JADE2: variants seen among roughly 807,000 people sequenced by gnomAD.
JADE2 encodes the protein jade family PHD finger 2.
JADE2 carries 13 observed loss-of-function variants against 85.7 expected under a neutral mutation model. The ratio of observed to expected loss-of-function variants is 0.15; its 90% confidence interval spans 0.10 to 0.24. The LOEUF (loss-of-function observed/expected upper bound fraction) is 0.24. JADE2 is among the 10% of genes least tolerant of loss of function. The pLI is 1.00. For missense variants in JADE2, 846 were observed against 1,115.9 expected (o/e 0.76, Z 3.45); for synonymous variants, 440 against 456.1 (o/e 0.96, Z 0.45).
At chr5:134,552,335 C>T (rs1762642033) in intron 4 of JADE2, 126 bp downstream of exon 4, 2 of 863,702 alleles carry the variant, frequency 2.3e-6, no homozygotes, top group Admixed American at 3.0e-5. Context: ...GTATTCCATT[C>T]CCTTTTCCAA....
At chr5:134,526,756 C>T (rs1375957367) in intron 1 of JADE2, 1 of 985,430 alleles carries the variant, frequency 1.0e-6, no homozygotes, top group Non-Finnish European at 1.2e-6. Context: ...ACACCCTTTC[C>T]AGGTGAGTGT....
At chr5:134,533,977 C>T (rs1004597417) in intron 1 of JADE2, among the ~76,000 whole-genome samples, 1 of 152,048 alleles carries the variant, frequency 6.6e-6, no homozygotes, top group Non-Finnish European at 1.5e-5. Context: ...ATCTCTTGGG[C>T]TCAAGAAATC....
At chr5:134,546,398 C>G (rs968787160) in intron 3 of JADE2, among the ~76,000 whole-genome samples, 1 of 152,164 alleles carries the variant, frequency 6.6e-6, no homozygotes, top group African/African-American at 2.4e-5. Flanking sequence ...AAAGCAGGCA[C>G]AGTGATAAAC....
At chr5:134,530,299 G>A (rs775561404) in intron 1 of JADE2, among the ~76,000 whole-genome samples, 1 of 152,242 alleles carries the variant, frequency 6.6e-6, no homozygotes, top group Non-Finnish European at 1.5e-5. Flanking sequence ...ACGCCTTAGC[G>A]GTCTGCCTCA....
Position 134,564,516 on chromosome 5 carries a change from A to G in JADE2, c.875A>G (p.Lys292Arg). ...IPEVSIGCPE[K>R]MEPITKISHI... ...CAGGTCAGCATCGGCTGCCCAGAGA[A>G]GATGGAGCCCATCACCAAGATCTCG... Residue 292 changes from lysine (K) to arginine (R), a missense_variant, in exon 8 of 12, where the codon AAG becomes AGG. This residue lies in a region of JADE2 where 129 missense variants were observed against 255.4 expected (regional missense o/e 0.51). Transcript: ENST00000681547. 6.3e-7 allele frequency: 1 copy of G among 1,591,906 alleles called. No homozygotes were observed. The highest frequency in any genetic ancestry group is 8.6e-7 in the Non-Finnish European group (1 of 1,169,364).
chr5:134,566,105 T>G lies in JADE2; in HGVS notation c.970-11T>G. On this transcript the variant is annotated splice_polypyrimidine_tract_variant and intron_variant, in intron 8 of 11. Transcript: ENST00000681547. This position sits in a 1 kb window ranked among gnomAD's most constrained non-coding sequence, Gnocchi z 6.7. ...CCTCCATGTCTGATCCTGCCCCTCC[T>G]TTCCCCTCAGTGTTCCATGCCTTCC... 6.2e-7 allele frequency: 1 copy of G among 1,606,790 alleles called. No individual in the cohort carries two copies. Among genetic ancestry groups the G allele is most frequent in the Non-Finnish European group, 8.5e-7 (1 of 1,175,278 alleles).
chr5:134,555,794 G>A (rs1443585368), intron 4 of JADE2, among the ~76,000 whole-genome samples: 3 of 152,218 alleles, frequency 2.0e-5, no homozygotes, highest in African/African-American at 7.2e-5. Context: ...GAATTGTGTT[G>A]GACCGAGTGT....
intron 1 of JADE2, among the ~76,000 whole-genome samples, chr5:134,530,466 C>G (rs1222915468): frequency 6.6e-6 from 1 of 152,006 alleles, no homozygotes. Context: ...AGAGGAGAGG[C>G]TGGAGGCCAG....
At chr5:134,535,983 A>G in intron 2 of JADE2, 68 bp downstream of exon 2, 1 of 1,336,856 alleles carries the variant, frequency 7.5e-7, no homozygotes, top group Non-Finnish European at 1.1e-6. Context: ...ACAGGCCCAG[A>G]TGGGAGGAGG....
chr5:134,571,480 G>C (rs367845078), intron 9 of JADE2, among the ~76,000 whole-genome samples: 202 of 152,266 alleles, frequency 1.3e-3, no homozygotes, highest in African/African-American at 4.3e-3. Context: ...GGGCGGATCA[G>C]GAGGTCAGGA....
At chr5:134,543,330 G>A (rs1249877790) in intron 3 of JADE2, among the ~76,000 whole-genome samples, 1 of 150,186 alleles carries the variant, frequency 6.7e-6, no homozygotes. Context: ...GTGCCCCCTA[G>A]TACCTGTACT....
chr5:134,560,651 C>A, intron 5 of JADE2, 95 bp from the exon 6 acceptor site: 1 of 1,053,740 alleles, frequency 9.5e-7, no homozygotes, highest in Admixed American at 2.2e-5. Context: ...CAGACATCTG[C>A]CCTGAATTCC....
At chr5:134,573,794 T>A (rs1431353751) in intron 10 of JADE2, 32 bp downstream of exon 10, 1 of 1,271,510 alleles carries the variant, frequency 7.9e-7, no homozygotes, top group Admixed American at 1.7e-5. Flanking sequence ...CGCCGCCACC[T>A]CCCTGTGCCC....
intron 10 of JADE2, chr5:134,575,770 C>T (rs891468279): frequency 5.9e-5 from 9 of 152,110 alleles, no homozygotes; most frequent in South Asian, 2.1e-4. Context: ...TGACACATGC[C>T]TGTATTCCTA....
intron 1 of JADE2, chr5:134,526,673 C>G (rs1037863353): frequency 1.0e-6 from 1 of 985,488 alleles, no homozygotes; most frequent in Non-Finnish European, 1.2e-6. Flanking sequence ...GCGCTGCACG[C>G]GGGGGCAGCA....
chr5:134,531,589 CT>C (rs112525085), intron 1 of JADE2, among the ~76,000 whole-genome samples: 101 of 146,884 alleles, frequency 6.9e-4, no homozygotes, highest in African/African-American at 1.1e-3. Context: ...TGATTTATAC[CT>C]TTTTTTTTTT....
At chr5:134,576,446 GC>G (rs1764370486) in intron 10 of JADE2, among the ~76,000 whole-genome samples, 1 of 152,114 alleles carries the variant, frequency 6.6e-6, no homozygotes, top group Admixed American at 6.6e-5. Context: ...TCAAGGCCCT[GC>G]CCTGTCCAGA....
rs1210558567 is a variant in JADE2 at position 134,538,062 on chromosome 5, G to A, written c.132G>A (p.Gln44=). 6.2e-7 allele frequency: 1 copy of A among 1,614,062 alleles called. No individual in the cohort carries two copies. Among genetic ancestry groups the A allele is most frequent in the African/African-American group, 1.3e-5 (1 of 75,062 alleles). ...GCACCAAGTCGGGCTGGCCCCGACA[G>A]AACGAAAAGAAGCCCTCCGAGGTGG... The part of the protein sequence containing the change: ...PSSTKSGWPR[Q]NEKKPSEVFR... Residue 44 remains glutamine, a synonymous_variant, in exon 3 of 12, where the codon CAG becomes CAA. Coordinates refer to ENST00000681547, the MANE Select transcript of JADE2 (RefSeq NM_001388185.1).
chr5:134,537,534 G>A (rs1348596469), intron 2 of JADE2, among the ~76,000 whole-genome samples: 1 of 152,166 alleles, frequency 6.6e-6, no homozygotes, highest in Non-Finnish European at 1.5e-5. Context: ...GCTGGGTCAG[G>A]GCTCTGCTGA....
Sources: gnomAD v4.1 joint callset for allele counts (sites outside exome capture counted in the v4.1 genomes callset) on GRCh38, gnomAD v4.1.1 for gene constraint, gnomAD v4.1.1 regional missense constraint, Gnocchi (gnomAD v3.1) non-coding constraint, MANE v1.5 for transcripts, NCBI Gene and HGNC (gene_info 2026-07-23, HGNC 2026-07-21) for gene names.